Variants in JAKMIP3 observed in about 807,000 individuals in gnomAD.
The protein encoded by JAKMIP3 is Janus kinase and microtubule interacting protein 3.
Under a neutral mutation model 118.5 loss-of-function variants are expected in JAKMIP3, and 58 were observed. The observed-to-expected ratio is 0.49, with a 90% CI of 0.40 to 0.61. The LOEUF (loss-of-function observed/expected upper bound fraction) is 0.61, where lower values mean the gene tolerates loss of function less well. Among genes scored for constraint, JAKMIP3 ranks in the 20% least tolerant of loss-of-function variants. The pLI is 0.00. For missense variants in JAKMIP3, 950 were observed against 1,109.0 expected (o/e 0.86, Z 2.04); for synonymous variants, 486 against 451.2 (o/e 1.08, Z -0.98).
chr10:132,126,019 C>A (rs866405847), intron 3 of JAKMIP3, among the ~76,000 whole-genome samples: 1 of 152,170 alleles, frequency 6.6e-6, no homozygotes, highest in Non-Finnish European at 1.5e-5. Flanking sequence ...TCCCGCCTCA[C>A]GTCCCAAAGT....
At position 132,168,161 on chromosome 10, in the gene JAKMIP3, G is replaced by A. The variant is rs568306407; in HGVS notation, c.*231G>A. 6.2e-6 allele frequency: 8 copies of A among 1,285,786 alleles called. No individual in the cohort carries two copies. The highest frequency in any genetic ancestry group is 4.6e-5 in the Admixed American group (2 of 43,156). 79.6% of individuals were successfully genotyped at this position (1,285,786 alleles called of 1,614,324 possible). A position where few individuals can be genotyped will look rare whatever the true frequency, so the allele number is the denominator to read the frequency against. The stretch of plus-strand genomic sequence containing the variant: ...CTAGAACTGGCTCTGCCGACTTCTC[G>A]GGGGCTTCTCCGGGACGGGCCTGGC... On this transcript the variant is annotated 3_prime_UTR_variant, in exon 23 of 24. Transcript: ENST00000684848.
intron 1 of JAKMIP3, among the ~76,000 whole-genome samples, chr10:132,096,143 G>A (rs1406253591): frequency 6.6e-6 from 1 of 152,142 alleles, no homozygotes; most frequent in African/African-American, 2.4e-5. Flanking sequence ...TTTTACATTG[G>A]GAGCAGTAGA....
At chr10:132,166,925 C>T (rs2058967060) in intron 21 of JAKMIP3, 58 bp from the exon 22 acceptor site, 1 of 1,280,008 alleles carries the variant, frequency 7.8e-7, no homozygotes, top group Non-Finnish European at 1.1e-6. Context: ...AGAAGCACTA[C>T]AAACTCTTTT....
chr10:132,164,098 T>C (rs1156463164), intron 20 of JAKMIP3, among the ~76,000 whole-genome samples: 3 of 152,228 alleles, frequency 2.0e-5, no homozygotes, highest in African/African-American at 7.2e-5. Context: ...TAAACAAGTG[T>C]GCTGTGTGCC....
chr10:132,099,991 C>T (rs914685238), intron 1 of JAKMIP3, among the ~76,000 whole-genome samples: 1 of 152,214 alleles, frequency 6.6e-6, no homozygotes, highest in Non-Finnish European at 1.5e-5. Flanking sequence ...CCGGTCCCAG[C>T]CCTCCTGTGA....
intron 8 of JAKMIP3, 38 bp downstream of exon 8, chr10:132,137,327 T>TC (rs971938074): frequency 6.2e-6 from 10 of 1,612,836 alleles, no homozygotes; most frequent in Non-Finnish European, 8.5e-6. Flanking sequence ...ACGCCTCCGC[T>TC]CCCCACGCAG....
In JAKMIP3 at chr10:132,154,373, G is replaced by A. The variant is rs532775854; in HGVS notation, c.2220+383G>A. Among the ~76,000 whole-genome samples, 6 of 152,342 alleles carry A rather than the reference G, an allele frequency of 3.9e-5. No homozygotes were observed. The South Asian group carries it at 1.2e-3, about 32-fold the overall frequency. On this transcript the variant is annotated intron_variant, in intron 19 of 23. Transcript: ENST00000684848. The stretch of plus-strand genomic sequence containing the variant: ...AACTGGAGAAACTGGTGGCTGTTCT[G>A]GGACAACAGCCTGCTCACTAGTGGG...
chr10:132,097,797 T>A (rs944686669), intron 1 of JAKMIP3, among the ~76,000 whole-genome samples: 2 of 151,172 alleles, frequency 1.3e-5, no homozygotes, highest in Non-Finnish European at 2.9e-5. Context: ...TCAGTGAAAA[T>A]TTAGAATTTT....
rs2051664076 is a variant in JAKMIP3, at chr10:132,135,867, T to G, written c.970-63T>G. On this transcript the variant is annotated intron_variant, in intron 5 of 23. Coordinates refer to ENST00000684848, the MANE Select transcript of JAKMIP3 (RefSeq NM_001323087.2). The stretch of plus-strand genomic sequence containing the variant: ...CAAGCTGTGGTCAGTCAGCCGACTC[T>G]GCGTGGAGACCTGCTGGTTCTCCGT... 6.5e-6 allele frequency: 10 copies of G among 1,542,756 alleles called. No homozygotes were observed. The South Asian group carries it at 1.2e-4, about 19-fold the overall frequency.
intron 17 of JAKMIP3, among the ~76,000 whole-genome samples, 200 bp downstream of exon 17, chr10:132,153,223 G>A (rs55673235): frequency 0.094 from 14,279 of 152,270 alleles, 922 homozygotes; most frequent in Middle Eastern, 0.15. Context: ...GGACAGATTC[G>A]GCTCCACTTT....
chr10:132,098,643 A>G (rs2044353741), intron 1 of JAKMIP3, among the ~76,000 whole-genome samples: 1 of 152,200 alleles, frequency 6.6e-6, no homozygotes, highest in South Asian at 2.1e-4. Flanking sequence ...AGGCCAGCTT[A>G]GTGGCGTTGC....
chr10:132,104,040 T>C (rs554762088), intron 1 of JAKMIP3, among the ~76,000 whole-genome samples: 1 of 152,350 alleles, frequency 6.6e-6, no homozygotes, highest in Admixed American at 6.5e-5. Flanking sequence ...CCTCCTGTCA[T>C]AGCGTGTGTC....
In JAKMIP3 at chr10:132,162,831, G is replaced by T. The variant is rs570816505; in HGVS notation, c.2221-378G>T. Among the ~76,000 whole-genome samples, 42 of 119,282 alleles carry T rather than the reference G, an allele frequency of 3.5e-4. 1 individual carries two copies. The South Asian group carries it at 0.011, about 30-fold the overall frequency. 78.3% of individuals were successfully genotyped at this position (119,282 alleles called of 152,430 possible). ...CCAGGATCGGGTTCCATGGGTCTGT[G>T]AATTGGATTTGGGGAGGCAGCGTGT... On this transcript the variant is annotated intron_variant, in intron 19 of 23. Coordinates refer to ENST00000684848, the MANE Select transcript of JAKMIP3 (RefSeq NM_001323087.2).
intron 1 of JAKMIP3, among the ~76,000 whole-genome samples, chr10:132,043,985 T>C (rs1288821736): frequency 6.6e-6 from 1 of 152,234 alleles, no homozygotes; most frequent in Admixed American, 6.5e-5. Context: ...GATCCCAGCA[T>C]GGTCCCAAAA....
At chr10:132,134,140 C>T (rs2051244009) in intron 4 of JAKMIP3, among the ~76,000 whole-genome samples, 3 of 152,206 alleles carry the variant, frequency 2.0e-5, no homozygotes, top group Non-Finnish European at 4.4e-5. Context: ...TATCCTCTGT[C>T]GTGGTTCTGG....
intron 1 of JAKMIP3, among the ~76,000 whole-genome samples, chr10:132,079,543 C>T (rs1202423087): frequency 2.0e-5 from 3 of 152,174 alleles, no homozygotes; most frequent in Non-Finnish European, 2.9e-5. Context: ...ATAAAAGAAT[C>T]AAGATTCGTA....
chr10:132,104,981 C>T (rs747590316), intron 2 of JAKMIP3, 38 bp downstream of exon 2: 4 of 1,561,252 alleles, frequency 2.6e-6, no homozygotes, highest in Non-Finnish European at 3.5e-6. Context: ...GAATGTCCCT[C>T]CCTCCTGCCT....
At chr10:132,141,091 G>A (rs1044790576) in intron 10 of JAKMIP3, among the ~76,000 whole-genome samples, 1 of 152,240 alleles carries the variant, frequency 6.6e-6, no homozygotes, top group East Asian at 1.9e-4. Flanking sequence ...AGCCATTTCA[G>A]CACCAGGTCG....
In JAKMIP3 at chr10:132,145,508, C is replaced by T. The variant is rs199782219; in HGVS notation, c.1687-10C>T. 3.2e-5 allele frequency: 50 copies of T among 1,554,340 alleles called. No individual in the cohort carries two copies. Among genetic ancestry groups the T allele is most frequent in the South Asian group, 1.9e-4 (16 of 84,074 alleles). ...TCAGTGTCTTTATTTCTTTCAATTC[C>T]ATTTGCAAGGATATGAAGTGGATTG... On this transcript the variant is annotated splice_polypyrimidine_tract_variant and intron_variant, in intron 12 of 23. Coordinates refer to ENST00000684848, the MANE Select transcript of JAKMIP3 (RefSeq NM_001323087.2).
Sources: gnomAD v4.1 joint callset for allele counts (sites outside exome capture counted in the v4.1 genomes callset) on GRCh38, gnomAD v4.1.1 for gene constraint, MANE v1.5 for transcripts, NCBI Gene and HGNC (gene_info 2026-07-23, HGNC 2026-07-21) for gene names.